Variants in PPP2R3A observed in about 807,000 individuals in gnomAD.
The protein encoded by PPP2R3A is serine/threonine-protein phosphatase 2A regulatory subunit B'' subunit alpha.
Under a neutral mutation model 106.9 loss-of-function variants are expected in PPP2R3A, and 80 were observed. The observed-to-expected ratio is 0.75, with a 90% CI of 0.62 to 0.90. PPP2R3A has a LOEUF of 0.90. Among genes scored for constraint, PPP2R3A ranks in the 40% least tolerant of loss-of-function variants. The pLI, the probability that PPP2R3A is intolerant of heterozygous loss-of-function variation, is 0.00. For missense variants in PPP2R3A, 1,386 were observed against 1,350.4 expected (o/e 1.03, Z -0.41); for synonymous variants, 483 against 468.3 (o/e 1.03, Z -0.41).
In PPP2R3A at chr3:136,106,327, G is replaced by A; in HGVS notation, c.3329+5G>A. ...CCAAGCACAATTCCAGGAAGGGTGAGTAAGTTTCCCTATGTCTTATAGAAT... is the reference window on the plus strand; with the variant it reads ...CCAAGCACAATTCCAGGAAGGGTGAATAAGTTTCCCTATGTCTTATAGAAT... On this transcript the variant is annotated splice_donor_5th_base_variant and intron_variant, in intron 13 of 13. Coordinates refer to ENST00000264977, the MANE Select transcript of PPP2R3A (RefSeq NM_002718.5). The A allele has an allele frequency of 1.2e-6, 2 of 1,611,570 alleles. No individual in the cohort carries two copies. Among genetic ancestry groups the A allele is most frequent in the Non-Finnish European group, 1.7e-6 (2 of 1,177,850 alleles).
chr3:136,096,468 T>C (rs1937218021), intron 10 of PPP2R3A, among the ~76,000 whole-genome samples: 1 of 152,206 alleles, frequency 6.6e-6, no homozygotes, highest in African/African-American at 2.4e-5. Flanking sequence ...GATTGTTTTC[T>C]GTGGACAAAC....
chr3:135,976,513 C>T (rs1576405000), intron 1 of PPP2R3A, among the ~76,000 whole-genome samples: 1 of 152,294 alleles, frequency 6.6e-6, no homozygotes, highest in Admixed American at 6.5e-5. Context: ...TTCTAGAATA[C>T]ACAACATAAC....
At chr3:136,000,185 A>T (rs567264196) in intron 1 of PPP2R3A, among the ~76,000 whole-genome samples, 2 of 151,928 alleles carry the variant, frequency 1.3e-5, no homozygotes, top group South Asian at 4.2e-4. Flanking sequence ...GCCCTGCATC[A>T]TTTTTCTCCC....
intron 13 of PPP2R3A, among the ~76,000 whole-genome samples, chr3:136,144,655 C>T (rs112487028): frequency 3.3e-5 from 5 of 149,466 alleles, no homozygotes; most frequent in African/African-American, 1.0e-4. Context: ...AGCAAGGCTC[C>T]GTCTCAAAAA....
chr3:135,974,217 AC>A (rs1426197959), intron 1 of PPP2R3A, among the ~76,000 whole-genome samples: 86 of 152,336 alleles, frequency 5.6e-4, no homozygotes, highest in Non-Finnish European at 4.9e-4. Context: ...TTGGAGCATT[AC>A]ATGGCTCATT....
At chr3:136,043,759 C>T (rs1177817538) in intron 4 of PPP2R3A, among the ~76,000 whole-genome samples, 1 of 152,172 alleles carries the variant, frequency 6.6e-6, no homozygotes, top group South Asian at 2.1e-4. Context: ...TTTACCTTTT[C>T]ATATCAATGT....
intron 13 of PPP2R3A, among the ~76,000 whole-genome samples, chr3:136,142,354 C>G (rs1178178262): frequency 6.6e-6 from 1 of 152,030 alleles, no homozygotes; most frequent in Non-Finnish European, 1.5e-5. Flanking sequence ...CCAGACATGC[C>G]CAAATGTCCC....
chr3:136,101,741 G>A (rs895481807), intron 10 of PPP2R3A, among the ~76,000 whole-genome samples: 23 of 151,852 alleles, frequency 1.5e-4, no homozygotes, highest in African/African-American at 5.1e-4. Context: ...TAATAGTTCT[G>A]AAAATAAATA....
intron 4 of PPP2R3A, among the ~76,000 whole-genome samples, chr3:136,041,388 G>T (rs1190149051): frequency 1.3e-5 from 2 of 151,052 alleles, no homozygotes; most frequent in East Asian, 3.9e-4. Flanking sequence ...CTCCTAAGTA[G>T]CTGGGACTAC....
At chr3:136,059,491 G>C (rs780570436) in intron 5 of PPP2R3A, among the ~76,000 whole-genome samples, 49 of 152,170 alleles carry the variant, frequency 3.2e-4, no homozygotes, top group African/African-American at 9.2e-4. Context: ...ATACCGGCAA[G>C]GTTGTGAACA....
intron 13 of PPP2R3A, among the ~76,000 whole-genome samples, chr3:136,119,504 TAAAC>T (rs1937909455): frequency 6.6e-6 from 1 of 152,080 alleles, no homozygotes; most frequent in African/African-American, 2.4e-5. Flanking sequence ...ACAAAGAACT[TAAAC>T]AAATTAAGAA....
At chr3:136,142,662 T>A (rs564621904) in intron 13 of PPP2R3A, among the ~76,000 whole-genome samples, 5 of 152,180 alleles carry the variant, frequency 3.3e-5, no homozygotes, top group Non-Finnish European at 7.4e-5. Flanking sequence ...AAGGTCTCCA[T>A]TAGGCTTCAA....
At chr3:136,003,559 A>G (rs1372394574) in intron 2 of PPP2R3A, 66 bp downstream of exon 2, 1 of 1,438,702 alleles carries the variant, frequency 7.0e-7, no homozygotes, top group Non-Finnish European at 9.3e-7. Flanking sequence ...AAAATTTTAT[A>G]AAGAAAAACT....
At chr3:136,144,689 T>C (rs1939034414) in intron 13 of PPP2R3A, among the ~76,000 whole-genome samples, 1 of 151,218 alleles carries the variant, frequency 6.6e-6, no homozygotes, top group Non-Finnish European at 1.5e-5. Flanking sequence ...CCACTCTGAG[T>C]GGAAACCACT....
chr3:136,044,382 T>G (rs2107852574), intron 4 of PPP2R3A, among the ~76,000 whole-genome samples: 1 of 152,076 alleles, frequency 6.6e-6, no homozygotes, highest in Non-Finnish European at 1.5e-5. Flanking sequence ...ACAAAGAAAG[T>G]AAGACAGTTT....
At chr3:136,120,578 ACT>A (rs1182509767) in intron 13 of PPP2R3A, among the ~76,000 whole-genome samples, 1 of 151,910 alleles carries the variant, frequency 6.6e-6, no homozygotes, top group Non-Finnish European at 1.5e-5. Flanking sequence ...ACAGAGTGAG[ACT>A]CTTGTCTCAA....
intron 13 of PPP2R3A, among the ~76,000 whole-genome samples, chr3:136,136,045 C>CA (rs34558229): frequency 0.3 from 6,763 of 22,214 alleles, 959 homozygotes; most frequent in Non-Finnish European, 0.33. Context: ...GACTCCGTCT[C>CA]AAAAAAAAAA....
At chr3:136,027,554 T>C (rs1247065951) in intron 3 of PPP2R3A, among the ~76,000 whole-genome samples, 2 of 152,188 alleles carry the variant, frequency 1.3e-5, no homozygotes, top group Non-Finnish European at 2.9e-5. Flanking sequence ...TCTTTGGAAC[T>C]TTCAAATATA....
chr3:135,985,435 TCTCTCTCACA>T (rs1475706034), intron 1 of PPP2R3A, among the ~76,000 whole-genome samples: 1 of 148,190 alleles, frequency 6.7e-6, no homozygotes, highest in Non-Finnish European at 1.5e-5. Flanking sequence ...TCTCTCTCCC[TCTCTCTCACA>T]CACACATACT....
Sources: gnomAD v4.1 joint callset for allele counts (sites outside exome capture counted in the v4.1 genomes callset) on GRCh38, gnomAD v4.1.1 for gene constraint, MANE v1.5 for transcripts, NCBI Gene and HGNC (gene_info 2026-07-23, HGNC 2026-07-21) for gene names.